The following SLC44A1 variants were observed in gnomAD, a reference collection of about 807,000 sequenced individuals.
SLC44A1 encodes choline transporter-like protein 1.
In SLC44A1, 26 loss-of-function variants were observed where a neutral mutation model predicts 79.3. The observed-to-expected ratio is 0.33, with a 90% CI of 0.24 to 0.46. The LOEUF is 0.46. Ranked by LOEUF, SLC44A1 falls within the 20% of genes least tolerant of loss-of-function variation. SLC44A1 has a pLI of 1.00. For synonymous variants in SLC44A1, 263 were observed against 286.2 expected, an observed-to-expected ratio of 0.92 and a Z score of 0.82; for missense variants, 688 against 798.1, an observed-to-expected ratio of 0.86 and a Z score of 1.66.
intron 15 of SLC44A1, among the ~76,000 whole-genome samples, chr9:105,410,759 A>C (rs1829084290): frequency 6.6e-6 from 1 of 152,142 alleles, no homozygotes; most frequent in Non-Finnish European, 1.5e-5. Context: ...AGCATTATTC[A>C]CGATAACCAA....
At chr9:105,246,884 A>G (rs1177041019) in intron 1 of SLC44A1, among the ~76,000 whole-genome samples, 2 of 152,128 alleles carry the variant, frequency 1.3e-5, no homozygotes, top group African/African-American at 2.4e-5. Flanking sequence ...GCTATCGTAT[A>G]CGTTTTCTTT....
chr9:105,244,668 C>T lies in SLC44A1; in HGVS notation c.-201C>T, dbSNP rs955636058. On this transcript the variant is annotated 5_prime_UTR_variant, in exon 1 of 16. Coordinates refer to ENST00000374720, the MANE Select transcript of SLC44A1 (RefSeq NM_080546.5). ...AGAGCAGGAGACGCGTAGCCGCCGT[C>T]GCCGCCGCCGGGGGATGTGGCCGGC... 12 of 265,562 alleles carry T rather than the reference C, an allele frequency of 4.5e-5. No homozygotes were observed. The highest frequency in any genetic ancestry group is 2.1e-4 in the African/African-American group (9 of 43,810). The allele number at this position is 265,562 out of a possible 1,614,324, so 16.5% of individuals were successfully genotyped here. A position where few individuals can be genotyped will look rare whatever the true frequency, so the allele number is the denominator to read the frequency against.
chr9:105,292,288 A>G (rs1209691806), intron 1 of SLC44A1, among the ~76,000 whole-genome samples: 3 of 152,232 alleles, frequency 2.0e-5, no homozygotes, highest in African/African-American at 7.2e-5. Flanking sequence ...AGTGACATCT[A>G]CATGAAAATA....
chr9:105,366,334 T>A lies in SLC44A1; in HGVS notation c.1411-12T>A, dbSNP rs748447655. 2 of 1,430,950 alleles carry A rather than the reference T, an allele frequency of 1.4e-6. No individual in the cohort carries two copies. The highest frequency in any genetic ancestry group is 1.5e-5 in the African/African-American group (1 of 68,006). 88.6% of individuals were successfully genotyped at this position (1,430,950 alleles called of 1,614,324 possible). On this transcript the variant is annotated splice_polypyrimidine_tract_variant and intron_variant, in intron 11 of 15. Coordinates refer to ENST00000374720, the MANE Select transcript of SLC44A1 (RefSeq NM_080546.5). ...TTGGTTTTTTTATTATTTCCATTTT[T>A]CCCCCATCCAGGAAAATGCTTGTGC... is the stretch of plus-strand genomic sequence containing the variant.
At chr9:105,293,157 GA>G (rs540951357) in intron 1 of SLC44A1, among the ~76,000 whole-genome samples, 2 of 151,572 alleles carry the variant, frequency 1.3e-5, no homozygotes, top group Admixed American at 1.3e-4. Context: ...ATCCTGTCTC[GA>G]AAAAAAAGAA....
chr9:105,356,010 G>T (rs1827611304), intron 5 of SLC44A1: 1 of 558,874 alleles, frequency 1.8e-6, no homozygotes, highest in Non-Finnish European at 3.1e-6. Flanking sequence ...CACCCTCTTT[G>T]ATAAGGCTTG....
chr9:105,314,055 C>T (rs528049887), intron 3 of SLC44A1, among the ~76,000 whole-genome samples: 16 of 152,230 alleles, frequency 1.1e-4, no homozygotes, highest in Non-Finnish European at 1.6e-4. Flanking sequence ...TGCACGACTG[C>T]GCCCAGCCTT....
At chr9:105,353,393 C>G (rs1056710978) in intron 5 of SLC44A1, among the ~76,000 whole-genome samples, 1 of 152,006 alleles carries the variant, frequency 6.6e-6, no homozygotes, top group Non-Finnish European at 1.5e-5. Context: ...TCTGGTCATT[C>G]TCTTTTAAAA....
At chr9:105,413,446 C>T (rs1829124540) in intron 15 of SLC44A1, among the ~76,000 whole-genome samples, 2 of 152,164 alleles carry the variant, frequency 1.3e-5, no homozygotes, top group South Asian at 4.1e-4. Flanking sequence ...TCTGGCCTGT[C>T]TGGAATGCAG....
At chr9:105,410,868 T>A (rs541361487) in intron 15 of SLC44A1, among the ~76,000 whole-genome samples, 1 of 152,210 alleles carries the variant, frequency 6.6e-6, no homozygotes, top group Non-Finnish European at 1.5e-5. Context: ...AGAAATGAGG[T>A]ACTCATACAT....
At position 105,383,132 on chromosome 9, in the gene SLC44A1, G is replaced by T; in HGVS notation, c.1642G>T (p.Val548Phe). The T allele has an allele frequency of 1.2e-6, 2 of 1,607,942 alleles. No homozygotes were observed. The highest frequency in any genetic ancestry group is 1.7e-5 in the Admixed American group (1 of 59,992). Residue 548 changes from valine (V) to phenylalanine (F), a missense_variant, in exon 14 of 16, where the codon GTC becomes TTC. Coordinates refer to ENST00000374720, the MANE Select transcript of SLC44A1 (RefSeq NM_080546.5). The stretch of plus-strand genomic sequence containing the variant: ...GTTCTCTCTGCTTCAGGTGCTGATA[G>T]TCTGCAGCACAGGTTTAGCTGGGAT... ...FMLFLGKVLI[V>F]CSTGLAGIML...
intron 1 of SLC44A1, among the ~76,000 whole-genome samples, chr9:105,246,864 T>C (rs192887782): frequency 3.9e-5 from 6 of 152,332 alleles, no homozygotes; most frequent in Admixed American, 3.9e-4. Context: ...CACGTCATAC[T>C]TTTCAGAATG....
intron 12 of SLC44A1, among the ~76,000 whole-genome samples, chr9:105,373,301 AG>A (rs1365281205): frequency 1.3e-5 from 2 of 152,234 alleles, no homozygotes; most frequent in Non-Finnish European, 2.9e-5. Context: ...CAAAAGTTTT[AG>A]TCACAAAGTT....
chr9:105,259,771 C>G (rs1292168028), intron 1 of SLC44A1, among the ~76,000 whole-genome samples: 2 of 152,188 alleles, frequency 1.3e-5, no homozygotes, highest in Non-Finnish European at 2.9e-5. Context: ...GTGTACACTG[C>G]TGATAGAAGC....
chr9:105,326,214 G>A (rs1826571873), intron 3 of SLC44A1, among the ~76,000 whole-genome samples: 1 of 152,110 alleles, frequency 6.6e-6, no homozygotes, highest in Non-Finnish European at 1.5e-5. Context: ...GGGACTACAG[G>A]CGTGTGTCAC....
intron 12 of SLC44A1, among the ~76,000 whole-genome samples, chr9:105,368,986 C>T (rs1242420506): frequency 2.0e-5 from 3 of 151,994 alleles, no homozygotes; most frequent in Admixed American, 6.6e-5. Context: ...TGTAGTGAGC[C>T]GAGATTGAGC....
intron 3 of SLC44A1, among the ~76,000 whole-genome samples, chr9:105,315,705 C>A (rs1831305579): frequency 6.6e-6 from 1 of 152,078 alleles, no homozygotes; most frequent in African/African-American, 2.4e-5. Context: ...TAAAGAGTTA[C>A]TGAATCTTAT....
chr9:105,310,100 A>G (rs891391374), intron 3 of SLC44A1, among the ~76,000 whole-genome samples: 4 of 151,872 alleles, frequency 2.6e-5, no homozygotes, highest in African/African-American at 9.7e-5. Flanking sequence ...GTCTACCTTT[A>G]CCCATGTTAA....
At chr9:105,253,897 G>T (rs1430704201) in intron 1 of SLC44A1, among the ~76,000 whole-genome samples, 1 of 152,088 alleles carries the variant, frequency 6.6e-6, no homozygotes, top group Non-Finnish European at 1.5e-5. Context: ...CTAATTTTAT[G>T]TATTTTTAGT....
Sources: gnomAD v4.1 joint callset for allele counts (sites outside exome capture counted in the v4.1 genomes callset) on GRCh38, gnomAD v4.1.1 for gene constraint, MANE v1.5 for transcripts, NCBI Gene and HGNC (gene_info 2026-07-23, HGNC 2026-07-21) for gene names.